PA2G4: variants seen among roughly 807,000 people sequenced by gnomAD.
The protein encoded by PA2G4 is proliferation-associated protein 2G4.
A neutral mutation model predicts 53.3 loss-of-function variants in PA2G4; 8 were observed. That is an observed-to-expected ratio of 0.15 (90% confidence interval 0.09 to 0.27). The LOEUF (loss-of-function observed/expected upper bound fraction) is 0.27. Among genes scored for constraint, PA2G4 ranks in the 10% least tolerant of loss-of-function variants. The pLI is 1.00. For synonymous variants in PA2G4, 143 were observed against 169.8 expected, an observed-to-expected ratio of 0.84 and a Z score of 1.23; for missense variants, 208 against 486.8, an observed-to-expected ratio of 0.43 and a Z score of 5.39.
At position 56,104,572 on chromosome 12, in the gene PA2G4, G is replaced by A. The variant is rs1869244128; in HGVS notation, c.-166G>A. ...GCCCTGCGCCTCAGCCCGCGCGCTC[G>A]CAGCTTCTCGCTCTCGCCTGCCTGC... On this transcript the variant is annotated 5_prime_UTR_variant, in exon 1 of 13. Coordinates refer to ENST00000303305, the MANE Select transcript of PA2G4 (RefSeq NM_006191.3). 3 of 765,382 alleles carry A rather than the reference G, an allele frequency of 3.9e-6. No homozygotes were observed. Among genetic ancestry groups the A allele is most frequent in the Non-Finnish European group, 4.8e-6 (2 of 419,352 alleles). 47.4% of individuals were successfully genotyped at this position (765,382 alleles called of 1,614,324 possible).
rs1457488194 is a variant in PA2G4, at chr12:56,113,194, T to G, written c.*306T>G. The G allele has an allele frequency of 2.1e-5, 5 of 242,344 alleles. No individual in the cohort carries two copies. The highest frequency in any genetic ancestry group is 1.2e-4 in the African/African-American group (5 of 43,444). 15.0% of individuals were successfully genotyped at this position (242,344 alleles called of 1,614,324 possible). On this transcript the variant is annotated 3_prime_UTR_variant, in exon 13 of 13. Coordinates refer to ENST00000303305, the MANE Select transcript of PA2G4 (RefSeq NM_006191.3). The stretch of plus-strand genomic sequence containing the variant: ...CCCTCTTTCTAGCCTTTTCTACTAC[T>G]CTCTGCTTGGTCAAGGTTTGTGCCC...
In PA2G4 at chr12:56,113,148, C is replaced by CA. The variant is rs1869466828; in HGVS notation, c.*264dup. The CA allele has an allele frequency of 3.0e-6, 1 of 329,578 alleles. No homozygotes were observed. Among genetic ancestry groups the CA allele is most frequent in the Admixed American group, 5.2e-5 (1 of 19,052 alleles). The allele number at this position is 329,578 out of a possible 1,614,324, so 20.4% of individuals were successfully genotyped here. A position where few individuals can be genotyped will look rare whatever the true frequency, so the allele number is the denominator to read the frequency against. On this transcript the variant is annotated 3_prime_UTR_variant, in exon 13 of 13. Transcript: ENST00000303305. ...GAAATTGAATAATAAAATCAGGAGT[C>CA]AAAATTCATCGTCTTCAAGCCCCTC...
chr12:56,110,536 T>C (rs779057141), intron 8 of PA2G4, 23 bp from the exon 9 acceptor site: 15 of 1,614,052 alleles, frequency 9.3e-6, no homozygotes, highest in Non-Finnish European at 1.3e-5. Flanking sequence ...CCAGACCAAA[T>C]GTTACTTAAA....
intron 9 of PA2G4, 64 bp from the exon 10 acceptor site, chr12:56,110,900 T>A: frequency 6.7e-7 from 1 of 1,497,886 alleles, no homozygotes; most frequent in Non-Finnish European, 9.2e-7. Flanking sequence ...TTTTAAAATA[T>A]GAGCAAAATG....
rs1672751139 is a variant in PA2G4, at chr12:56,111,350, C to G, written c.1065+41C>G. The G allele has an allele frequency of 3.1e-6, 5 of 1,612,980 alleles. No homozygotes were observed. The Admixed American group carries it at 8.3e-5, about 27-fold the overall frequency. ...AAGGTGGTGAGTATGTACATGGTAT[C>G]CTGCTTGGGAGTGAGGGCTAAATGC... On this transcript the variant is annotated intron_variant, in intron 11 of 12. Transcript: ENST00000303305.
chr12:56,112,801 C>G (rs372697168), intron 12 of PA2G4, 22 bp from the exon 13 acceptor site: 62 of 1,531,538 alleles, frequency 4.0e-5, no homozygotes, highest in Non-Finnish European at 3.9e-5. Context: ...AGGTCTTCTC[C>G]CTCTCCTTTT....
Position 56,109,250 on chromosome 12 carries a change from C to G in PA2G4, c.507C>G (p.Ala169=). The G allele has an allele frequency of 1.2e-6, 2 of 1,612,282 alleles. No homozygotes were observed. The highest frequency in any genetic ancestry group is 1.7e-6 in the Non-Finnish European group (2 of 1,179,098). Residue 169 remains alanine (A), a synonymous_variant, in exon 6 of 13, where the codon GCC becomes GCG. Coordinates refer to ENST00000303305, the MANE Select transcript of PA2G4 (RefSeq NM_006191.3). The part of the protein sequence containing the change: ...PGNQNTQVTE[A]WNKVAHSFNC... ...TCTAGAACACACAAGTGACAGAAGC[C>G]TGGAACAAAGTTGCCCACTCATTTA...
Position 56,111,174 on chromosome 12 carries a change from TG to T in PA2G4, c.938-7del. 6.2e-7 allele frequency: 1 copy of T among 1,614,250 alleles called. No individual in the cohort carries two copies. The highest frequency in any genetic ancestry group is 1.1e-5 in the South Asian group (1 of 91,086). ...TTTTATCAAAACACATCTTCATTTT[TG>T]CCATAGGTGAATTTGTTGCCCAGTT... On this transcript the variant is annotated splice_polypyrimidine_tract_variant and splice_region_variant and intron_variant, in intron 10 of 12. Coordinates refer to ENST00000303305, the MANE Select transcript of PA2G4 (RefSeq NM_006191.3).
chr12:56,106,683 A>G lies in PA2G4; in HGVS notation c.184A>G (p.Lys62Glu), dbSNP rs767567758. The change falls in exon 2 of 13, where the codon AAA becomes GAA. Residue 62 changes from lysine to glutamate, a missense_variant. Transcript: ENST00000303305. ...GDAMIMEETG[K>E]IFKKEKEMKK... Reference sequence around the variant, plus strand: ...TGCCATGATTATGGAAGAAACAGGGAAAATCTTCAAGAAAGAAAAGGAAAT... The same window carrying G: ...TGCCATGATTATGGAAGAAACAGGGGAAATCTTCAAGAAAGAAAAGGAAAT... The G allele has an allele frequency of 1.9e-6, 3 of 1,601,154 alleles. No homozygotes were observed. In the South Asian group the frequency reaches 3.4e-5, roughly 18 times the overall value.
intron 1 of PA2G4, among the ~76,000 whole-genome samples, chr12:56,105,910 A>C (rs1002979015): frequency 2.0e-5 from 3 of 152,222 alleles, no homozygotes; most frequent in African/African-American, 7.2e-5. Context: ...CAGCTTTCAA[A>C]GAATCACCAA....
In PA2G4 at chr12:56,113,726, C is replaced by A; in HGVS notation, c.*838C>A. On this transcript the variant is annotated 3_prime_UTR_variant, in exon 13 of 13. Coordinates refer to ENST00000303305, the MANE Select transcript of PA2G4 (RefSeq NM_006191.3). The stretch of plus-strand genomic sequence containing the variant: ...CAGAGGCGTAGACTGACTGAAGACA[C>A]AACTCCTGGCTTTCTGAAGCTATGG... The A allele has an allele frequency of 1.5e-6, 1 of 651,442 alleles. No homozygotes were observed. Among genetic ancestry groups the A allele is most frequent in the Non-Finnish European group, 2.7e-6 (1 of 363,772 alleles). 40.4% of individuals were successfully genotyped at this position (651,442 alleles called of 1,614,324 possible). A position where few individuals can be genotyped will look rare whatever the true frequency, so the allele number is the denominator to read the frequency against.
chr12:56,107,220 T>C lies in PA2G4; in HGVS notation c.357T>C (p.Ala119=), dbSNP rs1490200247. ...GGGTCCATGTGGATGGCTTCATCGC[T>C]AATGTAGCTCACACTTTTGTGGTTG... ...DLGVHVDGFI[A]NVAHTFVVDV... is the part of the protein sequence containing the mutation. The change falls in exon 4 of 13, where the codon GCT becomes GCC. Residue 119 remains alanine (A), a synonymous_variant. Coordinates refer to ENST00000303305, the MANE Select transcript of PA2G4 (RefSeq NM_006191.3). 1.2e-6 allele frequency: 2 copies of C among 1,613,760 alleles called. No homozygotes were observed. Among genetic ancestry groups the C allele is most frequent in the Admixed American group, 3.3e-5 (2 of 60,028 alleles).
Position 56,104,627 on chromosome 12 carries a change from C to G in PA2G4, c.-111C>G. On this transcript the variant is annotated 5_prime_UTR_variant, in exon 1 of 13. Transcript: ENST00000303305. ...TCCCTTGCTTGCTCGCGCTTTCGCT[C>G]GCCCTCTCCTCGAGGATCGAGGGGA... is the stretch of plus-strand genomic sequence containing the variant. 9.4e-7 allele frequency: 1 copy of G among 1,060,066 alleles called. No homozygotes were observed. Among genetic ancestry groups the G allele is most frequent in the Non-Finnish European group, 1.5e-6 (1 of 674,130 alleles). The allele number at this position is 1,060,066 out of a possible 1,614,324, so 65.7% of individuals were successfully genotyped here. A position where few individuals can be genotyped will look rare whatever the true frequency, so the allele number is the denominator to read the frequency against.
Position 56,110,615 on chromosome 12 carries a change from T to C in PA2G4, c.765T>C (p.Tyr255=), listed in dbSNP as rs769736627. 6.2e-7 allele frequency: 1 copy of C among 1,614,164 alleles called. No homozygotes were observed. The highest frequency in any genetic ancestry group is 1.1e-5 in the South Asian group (1 of 91,084). ...TIYKRDPSKQ[Y]GLKMKTSRAF... ...ACAAACGAGACCCCTCTAAACAGTA[T>C]GGACTGAAAATGAAAACTTCACGTG... is the stretch of plus-strand genomic sequence containing the variant. Residue 255 remains tyrosine (Y), a synonymous_variant, in exon 9 of 13, where the codon TAT becomes TAC. Coordinates refer to ENST00000303305, the MANE Select transcript of PA2G4 (RefSeq NM_006191.3).
intron 4 of PA2G4, 131 bp downstream of exon 4, chr12:56,107,387 TTTG>T (rs768584039): frequency 1.3e-4 from 134 of 1,022,992 alleles, no homozygotes; most frequent in Middle Eastern, 3.1e-4. Flanking sequence ...GAGAAAGGTT[TTTG>T]TTGTTGTTGT....
In PA2G4 at chr12:56,112,742, A is replaced by C. The variant is rs1351569774; in HGVS notation, c.1120-81A>C. ...AGAGTGAGACTGTCTCAGAAAAAAA[A>C]ATACTTTTATCTCTGGTCCCAGACA... On this transcript the variant is annotated intron_variant, in intron 12 of 12. Coordinates refer to ENST00000303305, the MANE Select transcript of PA2G4 (RefSeq NM_006191.3). 5 of 990,890 alleles carry C rather than the reference A, an allele frequency of 5.0e-6. No individual in the cohort carries two copies. In the East Asian group the frequency reaches 1.3e-4, roughly 26 times the overall value. 61.4% of individuals were successfully genotyped at this position (990,890 alleles called of 1,614,324 possible). A position where few individuals can be genotyped will look rare whatever the true frequency, so the allele number is the denominator to read the frequency against.
intron 12 of PA2G4, among the ~76,000 whole-genome samples, chr12:56,112,190 C>G: frequency 6.6e-6 from 1 of 152,220 alleles, no homozygotes; most frequent in East Asian, 1.9e-4. Context: ...TATCCTCAAA[C>G]TCCTCCTGGG....
chr12:56,109,321 C>T (rs189790126), intron 6 of PA2G4, 28 bp downstream of exon 6: 1 of 1,571,742 alleles, frequency 6.4e-7, no homozygotes, highest in South Asian at 1.1e-5. Flanking sequence ...GGTTGAGGGT[C>T]TAAGAATGAG....
intron 10 of PA2G4, 41 bp from the exon 11 acceptor site, chr12:56,111,141 A>G (rs1869412717): frequency 1.2e-6 from 2 of 1,613,990 alleles, no homozygotes; most frequent in Admixed American, 1.7e-5. Flanking sequence ...AAGTATGACA[A>G]AGGAACTTTT....
Sources: allele counts gnomAD v4.1 joint callset (sites outside exome capture counted in the v4.1 genomes callset), GRCh38; gene constraint gnomAD v4.1.1; transcripts MANE v1.5; gene names NCBI Gene and HGNC (gene_info 2026-07-23, HGNC 2026-07-21).